ZDHHC20: variants seen among roughly 807,000 people sequenced by gnomAD.
The protein encoded by ZDHHC20 is palmitoyltransferase ZDHHC20.
In ZDHHC20, 43 loss-of-function variants were observed where a neutral mutation model predicts 57.8. That is an observed-to-expected ratio of 0.74 (90% CI 0.58 to 0.96). The LOEUF is 0.96. Among genes scored for constraint, ZDHHC20 ranks in the 40% least tolerant of loss-of-function variants. ZDHHC20 has a pLI of 0.00. For missense variants in ZDHHC20, 391 were observed against 441.1 expected, an observed-to-expected ratio of 0.89 and a Z score of 1.02; for synonymous variants, 157 against 153.0, an observed-to-expected ratio of 1.03 and a Z score of -0.19.
At chr13:21,448,286 T>A (rs1566116849) in intron 1 of ZDHHC20, among the ~76,000 whole-genome samples, 1 of 70,666 alleles carries the variant, frequency 1.4e-5, no homozygotes, top group Non-Finnish European at 3.4e-5. Context: ...GGAGCCCCTC[T>A]GCCCGGCCAG....
chr13:21,457,301 G>T (rs187568213), intron 1 of ZDHHC20, among the ~76,000 whole-genome samples: 146 of 152,142 alleles, frequency 9.6e-4, no homozygotes, highest in African/African-American at 3.3e-3. Context: ...AAACCACTAC[G>T]GGAATTAAAA....
Position 21,391,749 on chromosome 13 carries a change from G to C in ZDHHC20, c.700C>G (p.Leu234Val). The C allele has an allele frequency of 6.2e-7, 1 of 1,610,822 alleles. No homozygotes were observed. The highest frequency in any genetic ancestry group is 8.5e-7 in the Non-Finnish European group (1 of 1,179,296). The change falls in exon 8 of 13, where the codon CTA becomes GTA. Residue 234 changes from leucine (L) to valine (V), a missense_variant. By Grantham distance (32) the Leu-to-Val change is conservative. Coordinates refer to ENST00000400590, the MANE Select transcript of ZDHHC20 (RefSeq NM_001330059.2). Reference sequence around the variant, plus strand: ...ATTGTTGTTCTATTTTTTCCAACTAGCCAGCAGTGGTAGCTGAAAAGTGAG... The same window carrying C: ...ATTGTTGTTCTATTTTTTCCAACTACCCAGCAGTGGTAGCTGAAAAGTGAG... The part of the protein sequence containing the change: ...VLSLFSYHCW[L>V]VGKNRTTIES...
chr13:21,421,114 C>G lies in ZDHHC20; in HGVS notation c.196G>C (p.Val66Leu). Residue 66 changes from valine (V) to leucine (L), a missense_variant, in exon 3 of 13, where the codon GTA becomes CTA. Transcript: ENST00000400590. The part of the protein sequence containing the change: ...VAFHLFFVMF[V>L]WSYWMTIFTS... The stretch of plus-strand genomic sequence containing the variant: ...AAAATTGTCATCCAATAGGACCATA[C>G]AAACATAACAAAGAACAGATGGAAA... 2 of 1,613,222 alleles carry G rather than the reference C, an allele frequency of 1.2e-6. No homozygotes were observed. The highest frequency in any genetic ancestry group is 1.7e-6 in the Non-Finnish European group (2 of 1,179,678).
At chr13:21,403,218 T>C (rs576445364) in intron 4 of ZDHHC20, among the ~76,000 whole-genome samples, 1 of 152,062 alleles carries the variant, frequency 6.6e-6, no homozygotes, top group South Asian at 2.1e-4. Context: ...TATACCACAA[T>C]GCCTACAGTA....
At chr13:21,424,480 C>T (rs984516239) in intron 2 of ZDHHC20, among the ~76,000 whole-genome samples, 4 of 152,176 alleles carry the variant, frequency 2.6e-5, no homozygotes, top group East Asian at 3.9e-4. Context: ...AAGGCAGAGG[C>T]AGGCGAATCA....
rs1450571690 is a variant in ZDHHC20 at position 21,388,849 on chromosome 13, G to GA, written c.728-1216dup. ...ATGAATTAGCAAAGGAATAATGGGAGAAAGTCTAGGCACCAAAGATGTAAG... is the reference window on the plus strand; with the variant it reads ...ATGAATTAGCAAAGGAATAATGGGAGAAAAGTCTAGGCACCAAAGATGTAAG... On this transcript the variant is annotated intron_variant, in intron 8 of 12. Coordinates refer to ENST00000400590, the MANE Select transcript of ZDHHC20 (RefSeq NM_001330059.2). Among the ~76,000 whole-genome samples, 16 of 152,250 alleles carry GA rather than the reference G, an allele frequency of 1.1e-4. 1 individual carries two copies. In the East Asian group the frequency reaches 3.1e-3, roughly 29 times the overall value.
chr13:21,440,197 T>C (rs927246584), intron 1 of ZDHHC20, among the ~76,000 whole-genome samples: 4 of 141,552 alleles, frequency 2.8e-5, no homozygotes, highest in Non-Finnish European at 5.9e-5. Context: ...AATGAGTGAA[T>C]GAATGAATGA....
intron 8 of ZDHHC20, among the ~76,000 whole-genome samples, chr13:21,391,397 T>G (rs946007050): frequency 6.6e-6 from 1 of 152,250 alleles, no homozygotes; most frequent in African/African-American, 2.4e-5. Context: ...TCAATCTCAT[T>G]TCCTCAACCT....
intron 1 of ZDHHC20, among the ~76,000 whole-genome samples, chr13:21,437,865 G>T (rs933403705): frequency 6.6e-6 from 1 of 152,058 alleles, no homozygotes; most frequent in Non-Finnish European, 1.5e-5. Context: ...CTAATTTTTT[G>T]TATTTTTAGT....
intron 1 of ZDHHC20, among the ~76,000 whole-genome samples, chr13:21,442,062 T>G (rs1336687673): frequency 6.6e-6 from 1 of 152,244 alleles, no homozygotes. Flanking sequence ...AAATTTTGTT[T>G]ACGTTGTTTA....
In ZDHHC20 at chr13:21,455,101, T is replaced by C. The variant is rs557333354; in HGVS notation, c.118+3953A>G. On this transcript the variant is annotated intron_variant, in intron 1 of 12. Transcript: ENST00000400590. ...ACACTCGGCTAATTTTTTGTATTTT[T>C]AGAGAGATGGGGTTTCACCGTGTTA... 6.6e-5 allele frequency among the ~76,000 whole-genome samples: 10 copies of C among 152,248 alleles called. No homozygotes were observed. The East Asian group carries it at 1.9e-3, about 29-fold the overall frequency.
rs901016670 is a variant in ZDHHC20 at position 21,413,685 on chromosome 13, C to G, written c.337G>C (p.Ala113Pro). 6.2e-7 allele frequency: 1 copy of G among 1,610,180 alleles called. No individual in the cohort carries two copies. Among genetic ancestry groups the G allele is most frequent in the Non-Finnish European group, 8.5e-7 (1 of 1,179,232 alleles). Residue 113 changes from alanine to proline, a missense_variant, in exon 4 of 13, where the codon GCT (alanine) becomes CCT (proline). Coordinates refer to ENST00000400590, the MANE Select transcript of ZDHHC20 (RefSeq NM_001330059.2). ...QQEILRRAAR[A>P]LPIYTTSASK... Reference sequence around the variant, plus strand: ...GCTGATGTGGTATAGATAGGTAAAGCTCTTGCTGCTCTTCTCAAAATTTCT... The same window carrying G: ...GCTGATGTGGTATAGATAGGTAAAGGTCTTGCTGCTCTTCTCAAAATTTCT...
intron 7 of ZDHHC20, among the ~76,000 whole-genome samples, chr13:21,396,460 CAT>C (rs1257122419): frequency 2.0e-5 from 3 of 152,094 alleles, no homozygotes; most frequent in Non-Finnish European, 4.4e-5. Flanking sequence ...AGACAGGTAT[CAT>C]ATATAAAAAG....
At position 21,438,381 on chromosome 13, in the gene ZDHHC20, T is replaced by C. The variant is rs1229741893; in HGVS notation, c.119-12703A>G. ...ACATTAACAGGACTACAGAAGAAGC[T>C]GATTCCAGTCCAAGATCATGGATGA... On this transcript the variant is annotated intron_variant, in intron 1 of 12. Coordinates refer to ENST00000400590, the MANE Select transcript of ZDHHC20 (RefSeq NM_001330059.2). Among the ~76,000 whole-genome samples, 4 of 152,162 alleles carry C rather than the reference T, an allele frequency of 2.6e-5. No homozygotes were observed. In the East Asian group the frequency reaches 7.7e-4, roughly 29 times the overall value.
intron 3 of ZDHHC20, among the ~76,000 whole-genome samples, chr13:21,415,542 C>T (rs750669712): frequency 8.5e-5 from 13 of 152,112 alleles, no homozygotes; most frequent in African/African-American, 2.2e-4. Context: ...ACAATGGAGG[C>T]CCCTTATCTA....
chr13:21,403,012 A>G, intron 4 of ZDHHC20, 146 bp from the exon 5 acceptor site: 1 of 608,486 alleles, frequency 1.6e-6, no homozygotes, highest in Non-Finnish European at 2.9e-6. Context: ...AAAATGTATT[A>G]TACTAGAGAG....
intron 1 of ZDHHC20, among the ~76,000 whole-genome samples, chr13:21,453,795 C>A (rs1330411541): frequency 6.6e-6 from 1 of 152,174 alleles, no homozygotes; most frequent in Non-Finnish European, 1.5e-5. Flanking sequence ...TGCGCCATTG[C>A]ACTCCAGCCT....
At chr13:21,410,779 G>A (rs972826331) in intron 4 of ZDHHC20, among the ~76,000 whole-genome samples, 3 of 152,192 alleles carry the variant, frequency 2.0e-5, no homozygotes, top group African/African-American at 7.2e-5. Flanking sequence ...CAAGCCAGTG[G>A]ATCTTAGCTT....
At chr13:21,430,705 G>C (rs1881811703) in intron 1 of ZDHHC20, among the ~76,000 whole-genome samples, 1 of 152,022 alleles carries the variant, frequency 6.6e-6, no homozygotes, top group African/African-American at 2.4e-5. Flanking sequence ...GTCTTTTCTA[G>C]GGTTTGTTTT....
Sources: allele counts gnomAD v4.1 joint callset (sites outside exome capture counted in the v4.1 genomes callset), GRCh38; gene constraint gnomAD v4.1.1; transcripts MANE v1.5; gene names NCBI Gene and HGNC (gene_info 2026-07-23, HGNC 2026-07-21).